Variants in SMAP1 observed in about 807,000 individuals in gnomAD.
The protein encoded by SMAP1 is small ArfGAP 1.
In SMAP1, 24 loss-of-function variants were observed where a neutral mutation model predicts 58.5. The observed-to-expected ratio is 0.41, with a 90% confidence interval of 0.30 to 0.58. SMAP1 has a LOEUF of 0.58. SMAP1 is among the 20% of genes least tolerant of loss of function. The pLI, the probability that SMAP1 is intolerant of heterozygous loss-of-function variation, is 0.29. For missense variants in SMAP1, 563 were observed against 566.3 expected (o/e 0.99, Z 0.06); for synonymous variants, 216 against 196.6 (o/e 1.10, Z -0.82).
In SMAP1 at chr6:70,773,355, T is replaced by C; in HGVS notation, c.344T>C (p.Val115Ala). 3 of 1,565,758 alleles carry C rather than the reference T, an allele frequency of 1.9e-6. No homozygotes were observed. The highest frequency in any genetic ancestry group is 1.7e-5 in the Admixed American group (1 of 57,700). The change falls in exon 4 of 11, where the codon GTG becomes GCG. Residue 115 changes from valine to alanine, a missense_variant. Coordinates refer to ENST00000370455, the MANE Select transcript of SMAP1 (RefSeq NM_001044305.3). ...NFRRPQTDQA[V>A]EFFIRDKYEK... ...CTTAAGTTATCTGTTTTCAGAGCAGTGGAATTTTTCATCAGAGATAAATAT... is the reference window on the plus strand; with the variant it reads ...CTTAAGTTATCTGTTTTCAGAGCAGCGGAATTTTTCATCAGAGATAAATAT...
intron 1 of SMAP1, among the ~76,000 whole-genome samples, chr6:70,669,608 T>C (rs1766181151): frequency 6.6e-6 from 1 of 152,232 alleles, no homozygotes; most frequent in Non-Finnish European, 1.5e-5. Flanking sequence ...TTCTGCACTG[T>C]GTTTAGGCTC....
intron 7 of SMAP1, among the ~76,000 whole-genome samples, chr6:70,846,849 T>G (rs1343101176): frequency 6.6e-6 from 1 of 152,128 alleles, no homozygotes; most frequent in Non-Finnish European, 1.5e-5. Flanking sequence ...GTTATAGCAG[T>G]TGAGTTTTCC....
chr6:70,825,848 C>T (rs1770091525), intron 6 of SMAP1, among the ~76,000 whole-genome samples: 1 of 152,210 alleles, frequency 6.6e-6, no homozygotes, highest in Non-Finnish European at 1.5e-5. Context: ...CATTCACACA[C>T]ATGCTAAGCC....
intron 1 of SMAP1, among the ~76,000 whole-genome samples, chr6:70,683,416 C>T (rs1006913878): frequency 1.3e-5 from 2 of 151,948 alleles, no homozygotes; most frequent in Non-Finnish European, 2.9e-5. Context: ...GTGATCCACC[C>T]GCCTTGGCCT....
intron 1 of SMAP1, among the ~76,000 whole-genome samples, chr6:70,695,164 T>C (rs941326633): frequency 8.5e-5 from 13 of 152,324 alleles, no homozygotes; most frequent in Middle Eastern, 3.4e-3. Context: ...TGAATTTGTT[T>C]ATTCTAGTAG....
intron 5 of SMAP1, among the ~76,000 whole-genome samples, chr6:70,794,648 G>T (rs56668953): frequency 0.016 from 2,365 of 152,122 alleles, 52 homozygotes; most frequent in African/African-American, 0.052. Flanking sequence ...TGGAACATGG[G>T]GTGTTTGGTT....
At chr6:70,708,183 C>T (rs1051343834) in intron 1 of SMAP1, among the ~76,000 whole-genome samples, 2 of 152,092 alleles carry the variant, frequency 1.3e-5, no homozygotes, top group African/African-American at 4.8e-5. Context: ...TTACTTTTCT[C>T]CCTAGATTTC....
At chr6:70,711,523 CT>C (rs551263466) in intron 1 of SMAP1, among the ~76,000 whole-genome samples, 2,810 of 141,180 alleles carry the variant, frequency 0.02, 18 homozygotes, top group Non-Finnish European at 0.023. Context: ...TTTATTAGCT[CT>C]TTTTTTTTTT....
At chr6:70,798,310 T>C (rs542417508) in intron 5 of SMAP1, among the ~76,000 whole-genome samples, 99 of 152,046 alleles carry the variant, frequency 6.5e-4, no homozygotes, top group African/African-American at 2.3e-3. Context: ...TCGTGATTGC[T>C]GTTAGGAAGT....
In SMAP1 at chr6:70,667,950, C is replaced by A; in HGVS notation, c.-74C>A. On this transcript the variant is annotated 5_prime_UTR_variant, in exon 1 of 11. Coordinates refer to ENST00000370455, the MANE Select transcript of SMAP1 (RefSeq NM_001044305.3). ...CCCGCGGTCCCGGCGGCGCCAGGTG[C>A]GTTCACTCTGCCCGGCTCCAGCCAG... 7.5e-7 allele frequency: 1 copy of A among 1,327,846 alleles called. No homozygotes were observed. Among genetic ancestry groups the A allele is most frequent in the South Asian group, 1.3e-5 (1 of 76,250 alleles). The allele number at this position is 1,327,846 out of a possible 1,614,324, so 82.3% of individuals were successfully genotyped here. A position where few individuals can be genotyped will look rare whatever the true frequency, so the allele number is the denominator to read the frequency against.
At chr6:70,818,406 C>CA (rs200137790) in intron 6 of SMAP1, among the ~76,000 whole-genome samples, 55 of 142,994 alleles carry the variant, frequency 3.8e-4, no homozygotes, top group Middle Eastern at 3.5e-3. Flanking sequence ...AACTCCATCT[C>CA]AAAAAAAAAA....
At chr6:70,725,195 C>A (rs1346912085) in intron 1 of SMAP1, among the ~76,000 whole-genome samples, 1 of 142,442 alleles carries the variant, frequency 7.0e-6, no homozygotes, top group Admixed American at 7.6e-5. Flanking sequence ...CGGCTCACTG[C>A]AAGCTCTGCC....
chr6:70,718,319 A>G (rs186559723), intron 1 of SMAP1, among the ~76,000 whole-genome samples: 239 of 152,312 alleles, frequency 1.6e-3, no homozygotes, highest in Middle Eastern at 6.8e-3. Context: ...AAAATAATCA[A>G]GATGTTTGCT....
At chr6:70,835,449 A>G (rs1217203096) in intron 6 of SMAP1, among the ~76,000 whole-genome samples, 1 of 152,172 alleles carries the variant, frequency 6.6e-6, no homozygotes, top group Non-Finnish European at 1.5e-5. Context: ...AGGTAGTTGT[A>G]GAAGAAATGA....
chr6:70,729,459 T>TGTGTGTG lies in SMAP1; in HGVS notation c.119-2919_119-2918insGTGTGTG, dbSNP rs1554194434. 8.7e-3 allele frequency among the ~76,000 whole-genome samples: 1,117 copies of TGTGTGTG among 128,160 alleles called. 18 individuals carry two copies. The highest frequency in any genetic ancestry group is 0.031 in the African/African-American group (1,060 of 34,092). 84.1% of individuals were successfully genotyped at this position (128,160 alleles called of 152,430 possible). A position where few individuals can be genotyped will look rare whatever the true frequency, so the allele number is the denominator to read the frequency against. On this transcript the variant is annotated intron_variant, in intron 1 of 10. Coordinates refer to ENST00000370455, the MANE Select transcript of SMAP1 (RefSeq NM_001044305.3). ...GTCTCAAAAAAAAAAAAAAAGAAGGTTGTGTGTGTGTGTGTGTGTGTGTGT... is the reference window on the plus strand; with the variant it reads ...GTCTCAAAAAAAAAAAAAAAGAAGGTGTGTGTGTGTGTGTGTGTGTGTGTGTGTGTGT...
intron 7 of SMAP1, among the ~76,000 whole-genome samples, chr6:70,838,233 G>T (rs1441416059): frequency 6.6e-6 from 1 of 152,034 alleles, no homozygotes; most frequent in Non-Finnish European, 1.5e-5. Flanking sequence ...CTACATGCCT[G>T]GTTTATTAGT....
chr6:70,687,241 T>C (rs1766971813), intron 1 of SMAP1, among the ~76,000 whole-genome samples: 1 of 152,186 alleles, frequency 6.6e-6, no homozygotes, highest in Non-Finnish European at 1.5e-5. Flanking sequence ...AAAATGAGGA[T>C]TATCATTTTC....
At chr6:70,697,467 A>C (rs1472264860) in intron 1 of SMAP1, among the ~76,000 whole-genome samples, 1 of 151,750 alleles carries the variant, frequency 6.6e-6, no homozygotes, top group Non-Finnish European at 1.5e-5. Context: ...CACCACACCC[A>C]GCTAATTTTT....
At chr6:70,693,079 A>G (rs1053344351) in intron 1 of SMAP1, among the ~76,000 whole-genome samples, 3 of 151,420 alleles carry the variant, frequency 2.0e-5, no homozygotes, top group Non-Finnish European at 4.4e-5. Flanking sequence ...CACTGCGCCC[A>G]GCCTATGTGT....
Sources: allele counts gnomAD v4.1 joint callset (sites outside exome capture counted in the v4.1 genomes callset), GRCh38; gene constraint gnomAD v4.1.1; transcripts MANE v1.5; gene names NCBI Gene and HGNC (gene_info 2026-07-23, HGNC 2026-07-21).